The following EPHA6 variants were observed in gnomAD, a reference collection of about 807,000 sequenced individuals.
EPHA6 encodes EPH receptor A6, also known as ephrin type-A receptor 6.
A neutral mutation model predicts 112.0 loss-of-function variants in EPHA6; 50 were observed. The observed-to-expected ratio is 0.45, with a 90% confidence interval of 0.36 to 0.56. EPHA6 has a LOEUF of 0.56. EPHA6 is among the 20% of genes least tolerant of loss of function. The pLI, the probability that EPHA6 is intolerant of heterozygous loss-of-function variation, is 0.00. For synonymous variants in EPHA6, 529 were observed against 490.7 expected, an observed-to-expected ratio of 1.08 and a Z score of -1.03; for missense variants, 1,280 against 1,417.4, an observed-to-expected ratio of 0.90 and a Z score of 1.56.
chr3:97,265,152 A>G (rs897711040), intron 5 of EPHA6, among the ~76,000 whole-genome samples: 4 of 152,124 alleles, frequency 2.6e-5, no homozygotes, highest in Non-Finnish European at 5.9e-5. Context: ...GTGGGCACCA[A>G]TTCATCCATG....
chr3:97,675,429 G>C (rs1228656693), intron 14 of EPHA6, among the ~76,000 whole-genome samples: 1 of 152,138 alleles, frequency 6.6e-6, no homozygotes, highest in Admixed American at 6.5e-5. Context: ...GCAGTGAGCA[G>C]AGATCTTGAC....
At chr3:97,667,375 T>C (rs925860070) in intron 14 of EPHA6, among the ~76,000 whole-genome samples, 2 of 152,204 alleles carry the variant, frequency 1.3e-5, no homozygotes, top group Admixed American at 6.5e-5. Flanking sequence ...AGAATAAGAT[T>C]CTTAAACATT....
intron 13 of EPHA6, chr3:97,612,590 C>T (rs1429728257): frequency 4.6e-6 from 1 of 217,956 alleles, no homozygotes; most frequent in Non-Finnish European, 9.5e-6. Context: ...TACTTCTAAA[C>T]ATCTTACTAC....
At chr3:97,468,196 T>C (rs1043873766) in intron 7 of EPHA6, among the ~76,000 whole-genome samples, 2 of 151,092 alleles carry the variant, frequency 1.3e-5, no homozygotes, top group Middle Eastern at 3.4e-3. Context: ...ACAGAAATGA[T>C]CCATGAGGTT....
intron 11 of EPHA6, among the ~76,000 whole-genome samples, chr3:97,537,086 A>G (rs1327447614): frequency 6.6e-6 from 1 of 152,180 alleles, no homozygotes; most frequent in Non-Finnish European, 1.5e-5. Context: ...AGGAAGAAAT[A>G]AGCAAAGAAA....
At chr3:97,352,250 T>C (rs2083851570) in intron 5 of EPHA6, among the ~76,000 whole-genome samples, 1 of 152,008 alleles carries the variant, frequency 6.6e-6, no homozygotes, top group Admixed American at 6.6e-5. Flanking sequence ...GATGGCCAAA[T>C]AGAACACTCC....
intron 16 of EPHA6, among the ~76,000 whole-genome samples, chr3:97,736,468 A>AGTGT (rs1174431228): frequency 4.4e-4 from 48 of 109,638 alleles, no homozygotes; most frequent in African/African-American, 1.5e-3. Flanking sequence ...AGAGAGAGAG[A>AGTGT]GAGTGTGTGT....
intron 12 of EPHA6, among the ~76,000 whole-genome samples, chr3:97,609,927 TGAA>T (rs1410545009): frequency 1.3e-5 from 2 of 151,554 alleles, no homozygotes; most frequent in Non-Finnish European, 3.0e-5. Context: ...CCCCTGCATC[TGAA>T]ATGAGTTTAT....
At chr3:96,899,138 G>T (rs113657406) in intron 2 of EPHA6, among the ~76,000 whole-genome samples, 3 of 151,216 alleles carry the variant, frequency 2.0e-5, no homozygotes, top group Admixed American at 2.0e-4. Context: ...AGCTCCCTTT[G>T]AAGGTTTAGG....
chr3:97,478,193 T>C (rs967049740), intron 8 of EPHA6, among the ~76,000 whole-genome samples: 1 of 152,154 alleles, frequency 6.6e-6, no homozygotes, highest in African/African-American at 2.4e-5. Context: ...TATATGTATC[T>C]TGTAGAACAT....
intron 13 of EPHA6, among the ~76,000 whole-genome samples, chr3:97,633,261 G>A (rs2093918825): frequency 6.6e-6 from 1 of 151,782 alleles, no homozygotes; most frequent in Non-Finnish European, 1.5e-5. Context: ...TAAAATCCAT[G>A]TTTCTTAGCA....
At chr3:97,696,384 G>A (rs535466184) in intron 14 of EPHA6, among the ~76,000 whole-genome samples, 2 of 152,280 alleles carry the variant, frequency 1.3e-5, no homozygotes, top group Admixed American at 1.3e-4. Flanking sequence ...CAGGTTCTTT[G>A]AGGACCTCCT....
intron 11 of EPHA6, among the ~76,000 whole-genome samples, chr3:97,585,203 A>C (rs977549411): frequency 1.3e-5 from 2 of 152,236 alleles, no homozygotes; most frequent in Non-Finnish European, 2.9e-5. Context: ...GAAACTTAGG[A>C]AAGTTACAGT....
At chr3:97,224,571 G>T (rs188581412) in intron 3 of EPHA6, among the ~76,000 whole-genome samples, 1 of 152,190 alleles carries the variant, frequency 6.6e-6, no homozygotes, top group Admixed American at 6.5e-5. Flanking sequence ...CTGATTAAAA[G>T]AAGAAAACAA....
At chr3:97,693,590 G>C (rs113150950) in intron 14 of EPHA6, among the ~76,000 whole-genome samples, 1 of 152,102 alleles carries the variant, frequency 6.6e-6, no homozygotes, top group Non-Finnish European at 1.5e-5. Context: ...GGCAGATCAC[G>C]AGGTTGGGAG....
intron 3 of EPHA6, among the ~76,000 whole-genome samples, chr3:97,018,041 CCTT>C (rs1485326700): frequency 6.6e-6 from 1 of 150,948 alleles, no homozygotes; most frequent in Non-Finnish European, 1.5e-5. Flanking sequence ...CCTCACTAAT[CCTT>C]CTTCTGCTTG....
chr3:97,362,912 A>G (rs976592074), intron 5 of EPHA6, among the ~76,000 whole-genome samples: 6 of 151,642 alleles, frequency 4.0e-5, no homozygotes, highest in Non-Finnish European at 7.4e-5. Flanking sequence ...GATTACTGCA[A>G]TGCTCCTGAC....
rs1036211602 is a variant in EPHA6, at chr3:97,348,972, T to C, written c.1607-56178T>C. ...TAATTAAAATACCTTAACAAATGAG[T>C]TCAATATTTCAGCAGGTTTTCATGA... On this transcript the variant is annotated intron_variant, in intron 5 of 17. Transcript: ENST00000389672. Among the ~76,000 whole-genome samples the C allele has an allele frequency of 9.2e-5, 14 of 152,136 alleles. No homozygotes were observed. In the South Asian group the frequency reaches 1.2e-3, roughly 14 times the overall value.
intron 1 of EPHA6, among the ~76,000 whole-genome samples, chr3:96,842,154 C>G (rs1171811510): frequency 6.6e-6 from 1 of 152,108 alleles, no homozygotes; most frequent in Non-Finnish European, 1.5e-5. Context: ...GAGCAGTACT[C>G]TAGGTCTGAG....
Sources: gnomAD v4.1 joint callset for allele counts (sites outside exome capture counted in the v4.1 genomes callset) on GRCh38, gnomAD v4.1.1 for gene constraint, MANE v1.5 for transcripts, NCBI Gene and HGNC (gene_info 2026-07-23, HGNC 2026-07-21) for gene names.